Variants in CCDC77 observed in about 807,000 individuals in gnomAD.
The protein encoded by CCDC77 is coiled-coil domain containing 77, also known as coiled-coil domain-containing protein 77.
Under a neutral mutation model 66.8 loss-of-function variants are expected in CCDC77, and 56 were observed. The ratio of observed to expected loss-of-function variants is 0.84; its 90% CI spans 0.68 to 1.05. The LOEUF (loss-of-function observed/expected upper bound fraction) is 1.05. CCDC77 is among the 50% of genes least tolerant of loss of function. The probability of loss-of-function intolerance (pLI) is 0.00; values close to 1 mark genes in which losing one functional copy is unlikely to be tolerated. For missense variants in CCDC77, 570 were observed against 576.8 expected (o/e 0.99, Z 0.12); for synonymous variants, 196 against 195.2 (o/e 1.00, Z -0.03).
At chr12:428,510 C>CAAAAAAAAAAAAAAA (rs59414510) in intron 5 of CCDC77, among the ~76,000 whole-genome samples, 5 of 57,882 alleles carry the variant, frequency 8.6e-5, no homozygotes, top group African/African-American at 3.6e-4. Context: ...GACTCTGTCT[C>CAAAAAAAAAAAAAAA]AAAAAAAAAA....
Position 441,848 on chromosome 12 carries a change from TA to T in CCDC77, c.1397del (p.Lys466ArgfsTer6). 1 of 1,612,460 alleles carries T rather than the reference TA, an allele frequency of 6.2e-7. No homozygotes were observed. ...TCCGTGACAGCAATAGACGGGCACA[TA>T]AGATACAAGGAGAACTGAAGAATCT... is the stretch of plus-strand genomic sequence containing the variant. The part of the protein sequence containing the change: ...EVRDSNRRAH[K>X]IQGELKNLKS... On this transcript the variant is annotated frameshift_variant, in exon 13 of 13. Coordinates refer to ENST00000239830, the MANE Select transcript of CCDC77 (RefSeq NM_032358.4). LOFTEE classifies it high-confidence loss of function.
intron 1 of CCDC77, chr12:389,573 A>AGGCGGGGCGAGGCGGAGCGAGGCGGGG (rs1364572907): frequency 4.7e-5 from 2 of 42,958 alleles, no homozygotes; most frequent in East Asian, 2.8e-4. Context: ...GCGAGGCGCA[A>AGGCGGGGCGAGGCGGAGCGAGGCGGGG]CGAGGCGGGG....
intron 1 of CCDC77, among the ~76,000 whole-genome samples, chr12:395,765 A>G (rs1446019543): frequency 6.6e-6 from 1 of 152,036 alleles, no homozygotes; most frequent in Non-Finnish European, 1.5e-5. Context: ...GTCGTGGTGC[A>G]TGCCTGTAGT....
At chr12:427,768 C>T (rs1008801691) in intron 5 of CCDC77, among the ~76,000 whole-genome samples, 4 of 152,254 alleles carry the variant, frequency 2.6e-5, no homozygotes, top group Admixed American at 2.0e-4. Context: ...ACACCACACC[C>T]GGCCCGAAAT....
In CCDC77 at chr12:440,701, C is replaced by G. The variant is rs764931967; in HGVS notation, c.1126C>G (p.Arg376Gly). The change falls in exon 11 of 13, where the codon CGA becomes GGA. Residue 376 changes from arginine (R) to glycine (G), a missense_variant. Transcript: ENST00000239830. Reference sequence around the variant, plus strand: ...CATTTCCTTAGAAGAAGAACTTGCCCGAATTCGTGAGGAAGAGGGAATGAG... The same window carrying G: ...CATTTCCTTAGAAGAAGAACTTGCCGGAATTCGTGAGGAAGAGGGAATGAG... ...QCISLEEELARIREEEGMRRE... is the reference protein window; with the variant it reads ...QCISLEEELAGIREEEGMRRE... 1.2e-5 allele frequency: 20 copies of G among 1,614,042 alleles called. No individual in the cohort carries two copies. Among genetic ancestry groups the G allele is most frequent in the Non-Finnish European group, 1.7e-5 (20 of 1,180,020 alleles).
At chr12:415,458 A>G (rs1945229009) in intron 4 of CCDC77, among the ~76,000 whole-genome samples, 1 of 125,704 alleles carries the variant, frequency 8.0e-6, no homozygotes, top group Non-Finnish European at 1.9e-5. Flanking sequence ...ATATTAACAT[A>G]ATTATTAACA....
At chr12:394,568 T>C (rs1944802368) in intron 1 of CCDC77, among the ~76,000 whole-genome samples, 1 of 152,244 alleles carries the variant, frequency 6.6e-6, no homozygotes, top group Admixed American at 6.5e-5. Flanking sequence ...AATGCTGCTC[T>C]TGTTTAGGCC....
At chr12:392,475 G>C (rs1020636850) in intron 1 of CCDC77, among the ~76,000 whole-genome samples, 1 of 152,148 alleles carries the variant, frequency 6.6e-6, no homozygotes, top group African/African-American at 2.4e-5. Context: ...CAGGCACGGT[G>C]GCTCATACCT....
chr12:392,086 G>A (rs1226999070), intron 1 of CCDC77, among the ~76,000 whole-genome samples: 3 of 152,090 alleles, frequency 2.0e-5, no homozygotes, highest in Admixed American at 6.6e-5. Flanking sequence ...ATAGTATTTG[G>A]GTTTCTGGTC....
At chr12:402,457 T>A (rs957087549) in intron 1 of CCDC77, among the ~76,000 whole-genome samples, 1 of 152,192 alleles carries the variant, frequency 6.6e-6, no homozygotes, top group African/African-American at 2.4e-5. Context: ...CAGACTAGAT[T>A]TTGTTAAGTG....
chr12:396,175 T>A (rs1944826611), intron 1 of CCDC77, among the ~76,000 whole-genome samples: 2 of 152,276 alleles, frequency 1.3e-5, no homozygotes, highest in African/African-American at 4.8e-5. Context: ...GCAGATCACC[T>A]GAGGTCAGGA....
intron 1 of CCDC77, chr12:389,553 G>GCGAGGCGGGGCGAGGCGGAA (rs1555141772): frequency 3.7e-6 from 1 of 268,808 alleles, no homozygotes; most frequent in African/African-American, 2.3e-5. Flanking sequence ...AGCCGACGGG[G>GCGAGGCGGGGCGAGGCGGAA]CGAGGCGGGG....
At chr12:432,004 G>C in intron 8 of CCDC77, 50 bp downstream of exon 8, 1 of 1,103,672 alleles carries the variant, frequency 9.1e-7, no homozygotes, top group Non-Finnish European at 1.4e-6. Context: ...CACAGGTGCA[G>C]CTCTATGTCA....
intron 1 of CCDC77, among the ~76,000 whole-genome samples, chr12:392,985 T>C (rs1944777526): frequency 6.8e-6 from 1 of 147,816 alleles, no homozygotes; most frequent in East Asian, 2.0e-4. Flanking sequence ...ACATTTGGCT[T>C]AGCAGGATCG....
chr12:406,212 G>A (rs1418807686), intron 2 of CCDC77, among the ~76,000 whole-genome samples: 1 of 151,126 alleles, frequency 6.6e-6, no homozygotes, highest in Non-Finnish European at 1.5e-5. Context: ...AACTAGCCAA[G>A]GTTGTAAGTG....
At chr12:396,049 C>CTAAAAAA (rs1233505909) in intron 1 of CCDC77, among the ~76,000 whole-genome samples, 2 of 151,934 alleles carry the variant, frequency 1.3e-5, no homozygotes, top group Non-Finnish European at 2.9e-5. Flanking sequence ...GACCTTGTCT[C>CTAAAAAA]TAAAAAATAA....
chr12:434,187 T>A (rs944593980), intron 9 of CCDC77, among the ~76,000 whole-genome samples: 2 of 152,078 alleles, frequency 1.3e-5, no homozygotes, highest in African/African-American at 4.8e-5. Context: ...ATTTTTAAAA[T>A]CTGAAAAAAT....
At chr12:408,039 G>A (rs763601929) in intron 2 of CCDC77, among the ~76,000 whole-genome samples, 6 of 151,898 alleles carry the variant, frequency 4.0e-5, no homozygotes, top group Non-Finnish European at 7.4e-5. Context: ...CACCCACCTC[G>A]GCCTCCCAAA....
chr12:428,465 C>T lies in CCDC77; in HGVS notation c.414-304C>T, dbSNP rs561784575. Reference sequence around the variant, plus strand: ...GGCGGAGGTTGCAGTGAGCCAAGACCGCACCATTGCACTCCAGCCTGGACA... The same window carrying T: ...GGCGGAGGTTGCAGTGAGCCAAGACTGCACCATTGCACTCCAGCCTGGACA... On this transcript the variant is annotated intron_variant, in intron 5 of 12. Transcript: ENST00000239830. Among the ~76,000 whole-genome samples, 8 of 145,268 alleles carry T rather than the reference C, an allele frequency of 5.5e-5. No individual in the cohort carries two copies. The South Asian group carries it at 8.7e-4, about 16-fold the overall frequency.
Sources: allele counts gnomAD v4.1 joint callset (sites outside exome capture counted in the v4.1 genomes callset), GRCh38; gene constraint gnomAD v4.1.1; transcripts MANE v1.5; gene names NCBI Gene and HGNC (gene_info 2026-07-23, HGNC 2026-07-21).